GRM5: variants seen among roughly 807,000 people sequenced by gnomAD.
GRM5 encodes glutamate metabotropic receptor 5.
A neutral mutation model predicts 83.1 loss-of-function variants in GRM5; 19 were observed. The observed-to-expected ratio is 0.23, with a 90% CI of 0.16 to 0.34. GRM5 has a LOEUF of 0.34. Among genes scored for constraint, GRM5 ranks in the 10% least tolerant of loss-of-function variants. The pLI is 1.00. For missense variants in GRM5, 1,160 were observed against 1,588.3 expected, an observed-to-expected ratio of 0.73 and a Z score of 4.58; for synonymous variants, 675 against 633.6, an observed-to-expected ratio of 1.07 and a Z score of -0.98.
intron 3 of GRM5, among the ~76,000 whole-genome samples, chr11:88,790,341 A>T (rs1481104292): frequency 6.6e-5 from 10 of 152,168 alleles, no homozygotes; most frequent in Admixed American, 6.6e-4. Flanking sequence ...TTTCCCATCA[A>T]ACTTTGACTT....
chr11:89,049,920 G>T (rs184633673), intron 1 of GRM5, among the ~76,000 whole-genome samples: 1 of 152,240 alleles, frequency 6.6e-6, no homozygotes, highest in Non-Finnish European at 1.5e-5. Context: ...TGTGAATTCT[G>T]CTGCAGACAA....
chr11:88,910,075 G>T (rs564495083), intron 2 of GRM5, among the ~76,000 whole-genome samples: 11 of 152,082 alleles, frequency 7.2e-5, no homozygotes, highest in Middle Eastern at 6.8e-3. Flanking sequence ...TCACTCCCCA[G>T]TTCCCACTTC....
intron 3 of GRM5, among the ~76,000 whole-genome samples, chr11:88,765,475 AAC>A (rs1942610585): frequency 6.6e-6 from 1 of 151,462 alleles, no homozygotes; most frequent in African/African-American, 2.4e-5. Flanking sequence ...TAGTAATCGT[AAC>A]AGTGTGGTTT....
At chr11:88,934,271 G>A (rs1297474669) in intron 2 of GRM5, among the ~76,000 whole-genome samples, 2 of 151,760 alleles carry the variant, frequency 1.3e-5, no homozygotes, top group African/African-American at 4.8e-5. Context: ...CTCTAAGAAT[G>A]TGTCAAACTG....
At chr11:88,761,091 A>C (rs1942504656) in intron 3 of GRM5, among the ~76,000 whole-genome samples, 1 of 152,176 alleles carries the variant, frequency 6.6e-6, no homozygotes, top group Non-Finnish European at 1.5e-5. Context: ...CACAGCCAAC[A>C]CCATACTGAC....
intron 3 of GRM5, among the ~76,000 whole-genome samples, chr11:88,788,427 A>G (rs949645269): frequency 1.3e-5 from 2 of 152,194 alleles, no homozygotes; most frequent in African/African-American, 4.8e-5. Context: ...GTTAAAGCAC[A>G]TGGAAAAAAA....
chr11:88,996,904 A>G (rs147942069), intron 2 of GRM5, among the ~76,000 whole-genome samples: 2,104 of 152,352 alleles, frequency 0.014, 65 homozygotes, highest in African/African-American at 0.048. Flanking sequence ...TCTACATGCT[A>G]AAAAGGAAGT....
chr11:88,628,816 G>A (rs986688828), intron 4 of GRM5, among the ~76,000 whole-genome samples: 4 of 152,148 alleles, frequency 2.6e-5, no homozygotes, highest in African/African-American at 9.7e-5. Flanking sequence ...AGATTGTGAA[G>A]TGCTCCTGAG....
chr11:88,964,426 T>G (rs893041144), intron 2 of GRM5, among the ~76,000 whole-genome samples: 23 of 152,088 alleles, frequency 1.5e-4, no homozygotes, highest in African/African-American at 5.3e-4. Flanking sequence ...AATTCTATAT[T>G]TTGCTCAGTA....
intron 3 of GRM5, among the ~76,000 whole-genome samples, chr11:88,746,326 T>C (rs980921735): frequency 3.9e-5 from 6 of 152,172 alleles, no homozygotes; most frequent in African/African-American, 1.2e-4. Flanking sequence ...CACTGTAAAG[T>C]AGTTTTTCCC....
At chr11:88,770,336 C>A (rs943401432) in intron 3 of GRM5, among the ~76,000 whole-genome samples, 1 of 152,010 alleles carries the variant, frequency 6.6e-6, no homozygotes, top group East Asian at 1.9e-4. Context: ...AATAAATATT[C>A]TCTTACTAAA....
intron 3 of GRM5, among the ~76,000 whole-genome samples, chr11:88,786,872 CAAG>C (rs1218789983): frequency 6.6e-6 from 1 of 151,874 alleles, no homozygotes; most frequent in African/African-American, 2.4e-5. Context: ...GACTCTGGGA[CAAG>C]AAGAGCTTCT....
intron 4 of GRM5, among the ~76,000 whole-genome samples, chr11:88,612,653 T>A (rs1228370892): frequency 2.5e-5 from 1 of 40,780 alleles, no homozygotes; most frequent in African/African-American, 3.7e-5. Context: ...TTTTAATGAT[T>A]GCCATTCTAA....
intron 3 of GRM5, among the ~76,000 whole-genome samples, chr11:88,693,158 TTCAATTA>T (rs1940820465): frequency 6.7e-6 from 1 of 149,570 alleles, no homozygotes; most frequent in African/African-American, 2.5e-5. Flanking sequence ...TTCAATTCAA[TTCAATTA>T]AACACATGTG....
At chr11:88,845,546 G>C (rs1328506378) in intron 3 of GRM5, among the ~76,000 whole-genome samples, 1 of 145,408 alleles carries the variant, frequency 6.9e-6, no homozygotes, top group African/African-American at 2.6e-5. Flanking sequence ...CCATTCTCCT[G>C]CCTCAGCCTC....
In GRM5 at chr11:88,604,740, C is replaced by T; in HGVS notation, c.1372G>A (p.Glu458Lys). Residue 458 changes from glutamate to lysine, a missense_variant, in exon 5 of 10, where the codon GAG becomes AAG. By Grantham distance (56) the Glu-to-Lys change is moderately conservative. Transcript: ENST00000305447. ...GVSGDTILFD[E>K]NGDSPGRYEI... Reference sequence around the variant, plus strand: ...TACCTTCCTGGAGAGTCTCCATTCTCATCGAATAGGATCGTATCTCCAGAA... The same window carrying T: ...TACCTTCCTGGAGAGTCTCCATTCTTATCGAATAGGATCGTATCTCCAGAA... The T allele has an allele frequency of 6.2e-7, 1 of 1,612,262 alleles. No individual in the cohort carries two copies. The highest frequency in any genetic ancestry group is 8.5e-7 in the Non-Finnish European group (1 of 1,178,376).
rs184268209 is a variant in GRM5 at position 88,861,498 on chromosome 11, C to G, written c.662-11343G>C. On this transcript the variant is annotated intron_variant, in intron 2 of 9. Transcript: ENST00000305447. ...TGCTTTTTCTGAGACAAGGTTTCAC[C>G]CCTGTCACCAAGGCTGGAGTGCAGT... 1.2e-3 allele frequency among the ~76,000 whole-genome samples: 184 copies of G among 152,056 alleles called. 1 individual carries two copies. The highest frequency in any genetic ancestry group is 4.3e-3 in the African/African-American group (177 of 41,478).
intron 2 of GRM5, among the ~76,000 whole-genome samples, chr11:88,922,054 A>C (rs960808208): frequency 6.6e-6 from 1 of 152,178 alleles, no homozygotes; most frequent in Admixed American, 6.5e-5. Context: ...CTCTACAATG[A>C]AAACTAAAAA....
Position 88,978,438 on chromosome 11 carries a change from A to G in GRM5, c.661+68774T>C, listed in dbSNP as rs561338727. On this transcript the variant is annotated intron_variant, in intron 2 of 9. Coordinates refer to ENST00000305447, the MANE Select transcript of GRM5 (RefSeq NM_001143831.3). ...GAAGAAGAATTGTCTTGGACCACACATCAAATACAGTAACATTAACAACAG... is the reference window on the plus strand; with the variant it reads ...GAAGAAGAATTGTCTTGGACCACACGTCAAATACAGTAACATTAACAACAG... Among the ~76,000 whole-genome samples the G allele has an allele frequency of 4.8e-5, 7 of 146,744 alleles. No individual in the cohort carries two copies. In the East Asian group the frequency reaches 1.2e-3, roughly 26 times the overall value.
Sources: gnomAD v4.1 joint callset for allele counts (sites outside exome capture counted in the v4.1 genomes callset) on GRCh38, gnomAD v4.1.1 for gene constraint, MANE v1.5 for transcripts, NCBI Gene and HGNC (gene_info 2026-07-23, HGNC 2026-07-21) for gene names.